Variants in DIAPH2 observed in about 807,000 individuals in gnomAD.
The protein encoded by DIAPH2 is diaphanous related formin 2, also known as protein diaphanous homolog 2.
A neutral mutation model predicts 92.7 loss-of-function variants in DIAPH2; 35 were observed. That is an observed-to-expected ratio of 0.38 (90% CI 0.29 to 0.50). The LOEUF is 0.50. Ranked by LOEUF, DIAPH2 falls within the 20% of genes least tolerant of loss-of-function variation. The probability of loss-of-function intolerance (pLI) is 0.94; values close to 1 mark genes in which losing one functional copy is unlikely to be tolerated. For missense variants in DIAPH2, 701 were observed against 819.5 expected (o/e 0.86, Z 1.77); for synonymous variants, 301 against 280.4 (o/e 1.07, Z -0.73).
chrX:96,731,363 T>G (rs1406060708), intron 1 of DIAPH2, among the ~76,000 whole-genome samples: 1 of 111,820 alleles, frequency 8.9e-6, no homozygotes, highest in African/African-American at 3.3e-5. Context: ...ACCCTTCATC[T>G]CTATTGTAAT....
intron 17 of DIAPH2, among the ~76,000 whole-genome samples, chrX:97,034,271 A>G (rs1387191932): frequency 1.8e-5 from 2 of 111,221 alleles, no homozygotes; most frequent in African/African-American, 3.3e-5. Context: ...TCCAACAAGC[A>G]TTGTAGTCCA....
chrX:96,711,812 T>G (rs779904029), intron 1 of DIAPH2, among the ~76,000 whole-genome samples: 1 of 111,525 alleles, frequency 9.0e-6, no homozygotes, highest in South Asian at 3.7e-4. Flanking sequence ...GCTGTGTTTA[T>G]CTATATTAGT....
intron 23 of DIAPH2, among the ~76,000 whole-genome samples, chrX:97,273,562 CA>C (rs2068408715): frequency 1.8e-5 from 2 of 112,064 alleles, no homozygotes; most frequent in Admixed American, 1.9e-4. Flanking sequence ...ATGGTACTTC[CA>C]ATAATGATAT....
chrX:96,985,621 C>T (rs929298562), intron 17 of DIAPH2, among the ~76,000 whole-genome samples: 6 of 110,509 alleles, frequency 5.4e-5, no homozygotes, highest in South Asian at 3.8e-4. Flanking sequence ...TGTAAAAGGC[C>T]GAGGATTCTA....
intron 25 of DIAPH2, among the ~76,000 whole-genome samples, chrX:97,399,034 G>C (rs1193395646): frequency 9.0e-6 from 1 of 111,231 alleles, no homozygotes; most frequent in Non-Finnish European, 1.9e-5. Context: ...GTGAGCCATT[G>C]CACCCGGCCG....
At chrX:97,579,827 A>G (rs1052444037) in intron 26 of DIAPH2, among the ~76,000 whole-genome samples, 2 of 109,875 alleles carry the variant, frequency 1.8e-5, no homozygotes, top group East Asian at 5.7e-4. Flanking sequence ...ATTTGTTTGT[A>G]TCCTCTTTTA....
intron 1 of DIAPH2, among the ~76,000 whole-genome samples, chrX:96,722,388 C>G (rs1431735421): frequency 2.7e-5 from 3 of 110,600 alleles, no homozygotes; most frequent in Non-Finnish European, 3.8e-5. Context: ...CTCATTCATT[C>G]ATTCGTTCCC....
At chrX:96,711,567 G>T (rs2063918352) in intron 1 of DIAPH2, among the ~76,000 whole-genome samples, 1 of 111,109 alleles carries the variant, frequency 9.0e-6, no homozygotes, top group South Asian at 3.8e-4. Context: ...GTAGATGCTG[G>T]ATGTCCTTTG....
At chrX:97,569,248 A>G (rs2071348119) in intron 26 of DIAPH2, among the ~76,000 whole-genome samples, 1 of 112,164 alleles carries the variant, frequency 8.9e-6, no homozygotes, top group African/African-American at 3.2e-5. Context: ...GCTTCTATCA[A>G]CAATGTGGAC....
chrX:96,806,942 C>T (rs1186654571), intron 4 of DIAPH2, among the ~76,000 whole-genome samples: 1 of 110,613 alleles, frequency 9.0e-6, no homozygotes, highest in Non-Finnish European at 1.9e-5. Flanking sequence ...CGGGGTTTCA[C>T]CATGTTAGCC....
chrX:97,079,112 T>G (rs778472869), intron 19 of DIAPH2, among the ~76,000 whole-genome samples: 110 of 110,921 alleles, frequency 9.9e-4, no homozygotes, highest in Non-Finnish European at 1.5e-3. Context: ...TCAGTGAAAT[T>G]TTAATGTCAC....
intron 1 of DIAPH2, among the ~76,000 whole-genome samples, chrX:96,734,432 A>G (rs995995565): frequency 8.9e-5 from 10 of 112,141 alleles, no homozygotes; most frequent in African/African-American, 3.2e-4. Flanking sequence ...GCAGGAAATC[A>G]TGAAATTGGC....
At chrX:97,335,702 G>A (rs2069051990) in intron 23 of DIAPH2, among the ~76,000 whole-genome samples, 1 of 111,747 alleles carries the variant, frequency 8.9e-6, no homozygotes, top group Non-Finnish European at 1.9e-5. Context: ...CTTCTCATTA[G>A]TAGGAACTAG....
chrX:97,323,129 C>T (rs191064204), intron 23 of DIAPH2, among the ~76,000 whole-genome samples: 1,392 of 105,865 alleles, frequency 0.013, 23 homozygotes, highest in African/African-American at 0.046. Context: ...TGGTCTCGAT[C>T]TGCTGACCTC....
chrX:96,876,848 A>G (rs770173252), intron 4 of DIAPH2, among the ~76,000 whole-genome samples: 1 of 111,080 alleles, frequency 9.0e-6, no homozygotes, highest in South Asian at 3.8e-4. Flanking sequence ...AACATGGCAC[A>G]TGTATACATA....
intron 25 of DIAPH2, among the ~76,000 whole-genome samples, chrX:97,411,001 A>T (rs933058905): frequency 3.6e-5 from 4 of 111,803 alleles, no homozygotes; most frequent in Non-Finnish European, 7.5e-5. Context: ...ATCCAGGAGA[A>T]CCTCCCCAAC....
In DIAPH2 at chrX:97,147,647, A is replaced by G. The variant is rs931930743; in HGVS notation, c.2719+5853A>G. ...AAATTATATTAATGTATTTGAAGGT[A>G]TTATTTATCCTGAGGTTTGCATAAA... On this transcript the variant is annotated intron_variant, in intron 22 of 26. Coordinates refer to ENST00000324765, the MANE Select transcript of DIAPH2 (RefSeq NM_006729.5). Among the ~76,000 whole-genome samples the G allele has an allele frequency of 4.5e-5, 5 of 111,769 alleles. No homozygotes were observed. In the South Asian group the frequency reaches 1.1e-3, roughly 25 times the overall value.
chrX:96,940,530 A>G (rs1419942012), intron 12 of DIAPH2, among the ~76,000 whole-genome samples: 1 of 111,648 alleles, frequency 9.0e-6, no homozygotes, highest in Non-Finnish European at 1.9e-5. Context: ...ATTTCTCAAA[A>G]CCTGCTTGAT....
chrX:96,832,441 T>G (rs1356421133), intron 4 of DIAPH2, among the ~76,000 whole-genome samples: 2 of 110,650 alleles, frequency 1.8e-5, no homozygotes, highest in Non-Finnish European at 3.8e-5. Context: ...AATAGATAGG[T>G]TATTTTCTGG....
Sources: allele counts gnomAD v4.1 joint callset (sites outside exome capture counted in the v4.1 genomes callset), GRCh38; gene constraint gnomAD v4.1.1; transcripts MANE v1.5; gene names NCBI Gene and HGNC (gene_info 2026-07-23, HGNC 2026-07-21).